Variants in ITPRID1 observed in about 807,000 individuals in gnomAD.
The protein encoded by ITPRID1 is protein ITPRID1.
In ITPRID1, 96 loss-of-function variants were observed where a neutral mutation model predicts 95.4. The ratio of observed to expected loss-of-function variants is 1.01; its 90% CI spans 0.85 to 1.19. The LOEUF (loss-of-function observed/expected upper bound fraction) is 1.19. ITPRID1 is among the 50% of genes most tolerant of loss of function. The pLI is 0.00. For missense variants in ITPRID1, 1,339 were observed against 1,252.9 expected, an observed-to-expected ratio of 1.07 and a Z score of -1.04; for synonymous variants, 510 against 453.6, an observed-to-expected ratio of 1.12 and a Z score of -1.58.
chr7:31,549,547 T>C (rs1374176733), intron 2 of ITPRID1, 48 bp downstream of exon 2: 4 of 1,376,960 alleles, frequency 2.9e-6, no homozygotes, highest in Non-Finnish European at 4.0e-6. Flanking sequence ...AAAAACTCCA[T>C]AAAGTGTTTA....
intron 5 of ITPRID1, among the ~76,000 whole-genome samples, chr7:31,568,324 C>T (rs561683625): frequency 1.3e-5 from 2 of 152,168 alleles, no homozygotes; most frequent in East Asian, 3.9e-4. Context: ...TATTCATAGA[C>T]CCTCTACTCA....
At chr7:31,531,591 G>A (rs1040429121) in intron 1 of ITPRID1, among the ~76,000 whole-genome samples, 1 of 152,254 alleles carries the variant, frequency 6.6e-6, no homozygotes, top group African/African-American at 2.4e-5. Context: ...AATAAAATGC[G>A]TGAAACCAAA....
In ITPRID1 at chr7:31,643,154, A is replaced by C. The variant is rs1274153892; in HGVS notation, c.1784A>C (p.Glu595Ala). ...GAGKVQSHHN[E>A]SQRSPGNDHT... is the part of the protein sequence containing the mutation. ...GGCAAAGTGCAAAGCCACCACAATGAGTCTCAAAGGTCACCTGGAAATGAT... is the reference window on the plus strand; with the variant it reads ...GGCAAAGTGCAAAGCCACCACAATGCGTCTCAAAGGTCACCTGGAAATGAT... The change falls in exon 12 of 15, where the codon GAG becomes GCG. Residue 595 changes from glutamate to alanine, a missense_variant. Physicochemically the swap from Glu to Ala is moderately radical, Grantham distance 107 (BLOSUM62 -1). Transcript: ENST00000615280. 5.6e-6 allele frequency: 9 copies of C among 1,613,854 alleles called. No individual in the cohort carries two copies. The highest frequency in any genetic ancestry group is 7.6e-6 in the Non-Finnish European group (9 of 1,179,898).
intron 1 of ITPRID1, among the ~76,000 whole-genome samples, chr7:31,519,620 C>CTCTCCATATATA: frequency 4.0e-5 from 1 of 25,254 alleles, no homozygotes; most frequent in Admixed American, 5.9e-4. Flanking sequence ...CTCTCTCTCT[C>CTCTCCATATATA]TATATATATA....
At chr7:31,557,247 G>C (rs139513014) in intron 5 of ITPRID1, among the ~76,000 whole-genome samples, 2 of 152,166 alleles carry the variant, frequency 1.3e-5, no homozygotes, top group East Asian at 3.9e-4. Context: ...TCTAAGGCTG[G>C]TTTCCTTATT....
chr7:31,619,533 T>C (rs976707228), intron 10 of ITPRID1, among the ~76,000 whole-genome samples: 2 of 55,866 alleles, frequency 3.6e-5, no homozygotes, highest in African/African-American at 1.0e-4. Context: ...ATTTTCAATC[T>C]CCAAAATTTA....
At chr7:31,568,478 A>T (rs2128142380) in intron 5 of ITPRID1, among the ~76,000 whole-genome samples, 1 of 152,306 alleles carries the variant, frequency 6.6e-6, no homozygotes, top group African/African-American at 2.4e-5. Flanking sequence ...ACAGCTTGGC[A>T]ACACTTCCCA....
intron 12 of ITPRID1, 87 bp downstream of exon 12, chr7:31,644,040 G>A (rs2128211586): frequency 7.7e-7 from 1 of 1,303,850 alleles, no homozygotes; most frequent in African/African-American, 1.5e-5. Context: ...CTTGCTGAAT[G>A]CAAGATCTCA....
At position 31,633,837 on chromosome 7, in the gene ITPRID1, T is replaced by C. The variant is rs1010038325; in HGVS notation, c.1229-8339T>C. Among the ~76,000 whole-genome samples the C allele has an allele frequency of 5.4e-4, 82 of 152,124 alleles. 1 individual carries two copies. Among genetic ancestry groups the C allele is most frequent in the Non-Finnish European group, 1.3e-4 (9 of 68,020 alleles). On this transcript the variant is annotated intron_variant, in intron 10 of 14. Transcript: ENST00000615280. ...CTTCAAACAGTCTGAGGTTGAAACA[T>C]TTCTCTTGCTCTACACAACTTTATC... is the stretch of plus-strand genomic sequence containing the variant.
intron 10 of ITPRID1, among the ~76,000 whole-genome samples, chr7:31,620,695 C>T (rs978712598): frequency 6.6e-6 from 1 of 151,826 alleles, no homozygotes; most frequent in Non-Finnish European, 1.5e-5. Flanking sequence ...CTCTAAAAAG[C>T]AGAGCACCTC....
intron 13 of ITPRID1, among the ~76,000 whole-genome samples, 175 bp downstream of exon 13, chr7:31,651,444 A>G (rs1043112027): frequency 1.6e-4 from 24 of 152,142 alleles, no homozygotes; most frequent in Non-Finnish European, 4.4e-5. Flanking sequence ...TGTGAGAGCC[A>G]TTTGCTAGAT....
At chr7:31,593,791 C>T (rs1785963367) in intron 10 of ITPRID1, among the ~76,000 whole-genome samples, 1 of 152,136 alleles carries the variant, frequency 6.6e-6, no homozygotes, top group African/African-American at 2.4e-5. Flanking sequence ...CAACTAGAGA[C>T]AGCCTAAATG....
At chr7:31,572,213 A>C in intron 7 of ITPRID1, 25 bp downstream of exon 7, 2 of 1,404,854 alleles carry the variant, frequency 1.4e-6, no homozygotes, top group South Asian at 2.4e-5. Flanking sequence ...GGTGCTTTTC[A>C]TCCTGAGAAA....
chr7:31,519,616 CTCTCT>C (rs1783163622), intron 1 of ITPRID1, among the ~76,000 whole-genome samples: 2 of 38,478 alleles, frequency 5.2e-5, no homozygotes, highest in Admixed American at 3.4e-4. Flanking sequence ...CTCTCTCTCT[CTCTCT>C]ATATATATAT....
At chr7:31,549,576 T>C in intron 2 of ITPRID1, 77 bp downstream of exon 2, 1 of 1,011,132 alleles carries the variant, frequency 9.9e-7, no homozygotes, top group Non-Finnish European at 1.4e-6. Context: ...TCATTATAGA[T>C]ATGAGGAAAT....
intron 5 of ITPRID1, among the ~76,000 whole-genome samples, chr7:31,566,827 G>T (rs1784817123): frequency 6.6e-6 from 1 of 152,166 alleles, no homozygotes; most frequent in Non-Finnish European, 1.5e-5. Flanking sequence ...GTTGGGTGCA[G>T]TGAGCAAGAA....
At position 31,653,051 on chromosome 7, in the gene ITPRID1, C is replaced by A. The variant is rs60432519; in HGVS notation, c.*222C>A. 8,268 of 1,160,740 alleles carry A rather than the reference C, an allele frequency of 7.1e-3. 465 individuals are homozygous for A. In the African/African-American group the frequency reaches 0.11, roughly 16 times the overall value. The allele number at this position is 1,160,740 out of a possible 1,614,324, so 71.9% of individuals were successfully genotyped here. On this transcript the variant is annotated 3_prime_UTR_variant, in exon 15 of 15. Coordinates refer to ENST00000615280, the MANE Select transcript of ITPRID1 (RefSeq NM_001257967.3). ...TAGTATGTGCCTGGCACAGAGTATGCAACAGTGACTAAATAGTATACGGTC... is the reference window on the plus strand; with the variant it reads ...TAGTATGTGCCTGGCACAGAGTATGAAACAGTGACTAAATAGTATACGGTC...
In ITPRID1 at chr7:31,578,426, A is replaced by C; in HGVS notation, c.1162A>C (p.Met388Leu). The change falls in exon 9 of 15, where the codon ATG (methionine) becomes CTG (leucine). Residue 388 changes from methionine (M) to leucine (L), a missense_variant. Physicochemically the swap from Met to Leu is conservative, Grantham distance 15. Coordinates refer to ENST00000615280, the MANE Select transcript of ITPRID1 (RefSeq NM_001257967.3). ...AGGCAAAGGACCAGACTCATTTGAA[A>C]TGGAAGAGGTCAGTGCTGCACCAAC... ...LAGKGPDSFEMEEVQSFEEET... is the reference protein window; with the variant it reads ...LAGKGPDSFELEEVQSFEEET... 6.2e-7 allele frequency: 1 copy of C among 1,603,812 alleles called. No individual in the cohort carries two copies. The highest frequency in any genetic ancestry group is 8.5e-7 in the Non-Finnish European group (1 of 1,174,820).
At chr7:31,628,700 C>T (rs1246847449) in intron 10 of ITPRID1, among the ~76,000 whole-genome samples, 1 of 152,112 alleles carries the variant, frequency 6.6e-6, no homozygotes, top group Non-Finnish European at 1.5e-5. Flanking sequence ...TTGTGATCCG[C>T]CCGCCTCGGC....
Sources: allele counts gnomAD v4.1 joint callset (sites outside exome capture counted in the v4.1 genomes callset), GRCh38; gene constraint gnomAD v4.1.1; transcripts MANE v1.5; gene names NCBI Gene and HGNC (gene_info 2026-07-23, HGNC 2026-07-21).